Variants in KRAS observed in about 807,000 individuals in gnomAD.
KRAS encodes KRas proto-oncogene, GTPase.
Under a neutral mutation model 21.0 loss-of-function variants are expected in KRAS, and 1 was observed. The ratio of observed to expected loss-of-function variants is 0.05; its 90% confidence interval spans 0.02 to 0.23. The LOEUF (loss-of-function observed/expected upper bound fraction) is 0.23. Ranked by LOEUF, KRAS falls within the 10% of genes least tolerant of loss-of-function variation. KRAS has a pLI of 1.00. For missense variants in KRAS, 107 were observed against 221.8 expected (o/e 0.48, Z 3.29); for synonymous variants, 67 against 72.5 (o/e 0.92, Z 0.39).
At chr12:25,214,828 T>C (rs1422683202) in intron 4 of KRAS, among the ~76,000 whole-genome samples, 1 of 152,108 alleles carries the variant, frequency 6.6e-6, no homozygotes, top group African/African-American at 2.4e-5. Flanking sequence ...AGACACAGAA[T>C]GTAACGTCAC....
intron 2 of KRAS, among the ~76,000 whole-genome samples, chr12:25,243,586 T>C (rs539188440): frequency 2.6e-5 from 4 of 152,310 alleles, no homozygotes; most frequent in South Asian, 4.1e-4. Context: ...TATATACTCA[T>C]ATAGCACTCA....
chr12:25,239,471 C>A (rs529630116), intron 2 of KRAS, among the ~76,000 whole-genome samples: 1 of 152,064 alleles, frequency 6.6e-6, no homozygotes, highest in South Asian at 2.1e-4. Flanking sequence ...AATAAGGAAA[C>A]CTAAAGTTAA....
Position 25,250,887 on chromosome 12 carries a change from T to TGCCGCCGCCGCTGCTGCC in KRAS, c.-166_-149dup, listed in dbSNP as rs1951762571. ...CCGCCGCCACCTTCGCCGCCGCCAC[T>TGCCGCCGCCGCTGCTGCC]GCCGCCGCCGCTGCTGCCTCCGCCG... On this transcript the variant is annotated 5_prime_UTR_variant, in exon 1 of 5. Transcript: ENST00000311936. 1 of 244,494 alleles carries TGCCGCCGCCGCTGCTGCC rather than the reference T, an allele frequency of 4.1e-6. No homozygotes were observed. Among genetic ancestry groups the TGCCGCCGCCGCTGCTGCC allele is most frequent in the Non-Finnish European group, 7.7e-6 (1 of 129,458 alleles). 15.1% of individuals were successfully genotyped at this position (244,494 alleles called of 1,614,324 possible). A position where few individuals can be genotyped will look rare whatever the true frequency, so the allele number is the denominator to read the frequency against.
intron 4 of KRAS, among the ~76,000 whole-genome samples, chr12:25,222,290 A>G (rs571846862): frequency 6.6e-6 from 1 of 152,300 alleles, no homozygotes; most frequent in East Asian, 1.9e-4. Flanking sequence ...AAATTTATTA[A>G]AATTCCCATA....
intron 4 of KRAS, among the ~76,000 whole-genome samples, chr12:25,224,536 CA>C (rs1214257715): frequency 6.6e-6 from 1 of 151,840 alleles, no homozygotes; most frequent in Non-Finnish European, 1.5e-5. Context: ...AGCTGTATTA[CA>C]AAAGTCAAAA....
chr12:25,233,401 A>G (rs1193000034), intron 2 of KRAS, among the ~76,000 whole-genome samples: 1 of 151,976 alleles, frequency 6.6e-6, no homozygotes, highest in Non-Finnish European at 1.5e-5. Context: ...AAAAAATACA[A>G]AAAAAAATTA....
chr12:25,239,956 A>G (rs1328569044), intron 2 of KRAS, among the ~76,000 whole-genome samples: 2 of 152,156 alleles, frequency 1.3e-5, no homozygotes, highest in African/African-American at 4.8e-5. Flanking sequence ...CCATCTCAAA[A>G]ACAAAAAAAA....
chr12:25,221,929 T>A (rs1305463579), intron 4 of KRAS, among the ~76,000 whole-genome samples: 2 of 152,068 alleles, frequency 1.3e-5, no homozygotes, highest in East Asian at 3.9e-4. Flanking sequence ...GGCAGGTGGA[T>A]CACGAGGTCA....
At chr12:25,222,633 C>CA (rs1269563809) in intron 4 of KRAS, among the ~76,000 whole-genome samples, 1 of 152,028 alleles carries the variant, frequency 6.6e-6, no homozygotes, top group Non-Finnish European at 1.5e-5. Flanking sequence ...AAAATGTCTA[C>CA]AAATCAAATT....
chr12:25,238,437 C>G (rs1038958559), intron 2 of KRAS, among the ~76,000 whole-genome samples: 17 of 151,968 alleles, frequency 1.1e-4, no homozygotes, highest in African/African-American at 4.1e-4. Flanking sequence ...ATTTATTTAG[C>G]CTTAATAGCA....
rs1951123560 is a variant in KRAS, at chr12:25,205,338, T to TACTC, written c.*4453_*4456dup. ...AAATTTTAGATCACTTCACAGCACATACTCCTATAAACATTTAAAAGTTAA... is the reference window on the plus strand; with the variant it reads ...AAATTTTAGATCACTTCACAGCACATACTCACTCCTATAAACATTTAAAAGTTAA... On this transcript the variant is annotated 3_prime_UTR_variant, in exon 5 of 5. Coordinates refer to ENST00000311936, the MANE Select transcript of KRAS (RefSeq NM_004985.5). 4.7e-6 allele frequency: 1 copy of TACTC among 213,960 alleles called. No homozygotes were observed. The highest frequency in any genetic ancestry group is 9.5e-6 in the Non-Finnish European group (1 of 105,758). 13.3% of individuals were successfully genotyped at this position (213,960 alleles called of 1,614,324 possible).
At chr12:25,235,215 G>A (rs2135793968) in intron 2 of KRAS, 1 of 561,830 alleles carries the variant, frequency 1.8e-6, no homozygotes, top group Non-Finnish European at 3.4e-6. Context: ...TTTACATACT[G>A]CTTAATAACA....
At chr12:25,245,976 G>A (rs1283165274) in intron 1 of KRAS, among the ~76,000 whole-genome samples, 3 of 152,092 alleles carry the variant, frequency 2.0e-5, no homozygotes, top group African/African-American at 4.8e-5. Context: ...GTCAAATAAA[G>A]CTGGATTGTG....
intron 1 of KRAS, among the ~76,000 whole-genome samples, chr12:25,247,754 G>A (rs1469218322): frequency 6.6e-6 from 1 of 152,112 alleles, no homozygotes; most frequent in Non-Finnish European, 1.5e-5. Flanking sequence ...CCAGATGTGT[G>A]ATCATAATAG....
chr12:25,210,473 ATTAT>A (rs1195089214), intron 4 of KRAS, among the ~76,000 whole-genome samples: 3 of 152,128 alleles, frequency 2.0e-5, no homozygotes, highest in African/African-American at 4.8e-5. Context: ...ATCTAAACAT[ATTAT>A]TTCAGTTTTC....
At chr12:25,215,609 T>C (rs1294664206) in intron 4 of KRAS, 1 of 1,485,420 alleles carries the variant, frequency 6.7e-7, no homozygotes, top group Non-Finnish European at 9.4e-7. Flanking sequence ...TTGGTAAGAG[T>C]AATTTACTGG....
At chr12:25,232,965 T>G (rs932997128) in intron 2 of KRAS, among the ~76,000 whole-genome samples, 1 of 152,208 alleles carries the variant, frequency 6.6e-6, no homozygotes, top group Non-Finnish European at 1.5e-5. Context: ...TAAGAAAATA[T>G]GTGGTTTTTT....
chr12:25,215,601 G>A (rs1385468373), intron 4 of KRAS: 6 of 1,528,938 alleles, frequency 3.9e-6, no homozygotes, highest in Non-Finnish European at 5.4e-6. Flanking sequence ...CTGTTGCATT[G>A]GTAAGAGTAA....
chr12:25,246,147 CAAAAAA>C (rs35617676), intron 1 of KRAS, among the ~76,000 whole-genome samples: 35 of 84,452 alleles, frequency 4.1e-4, no homozygotes, highest in African/African-American at 1.5e-3. Context: ...GACTCCGTCT[CAAAAAA>C]AAAAAAAAAA....
Sources: allele counts gnomAD v4.1 joint callset (sites outside exome capture counted in the v4.1 genomes callset), GRCh38; gene constraint gnomAD v4.1.1; transcripts MANE v1.5; gene names NCBI Gene and HGNC (gene_info 2026-07-23, HGNC 2026-07-21).